The following SOX5 variants were observed in gnomAD, a reference collection of about 807,000 sequenced individuals.
The protein encoded by SOX5 is transcription factor SOX-5.
In SOX5, 9 loss-of-function variants were observed where a neutral mutation model predicts 92.0. The observed-to-expected ratio is 0.10, with a 90% CI of 0.06 to 0.17. The LOEUF is 0.17. Ranked by LOEUF, SOX5 falls within the 10% of genes least tolerant of loss-of-function variation. The pLI is 1.00. For missense variants in SOX5, 642 were observed against 944.5 expected (o/e 0.68, Z 4.20); for synonymous variants, 344 against 336.3 (o/e 1.02, Z -0.25).
At chr12:23,864,138 C>G (rs2096786590) in intron 2 of SOX5, among the ~76,000 whole-genome samples, 1 of 152,124 alleles carries the variant, frequency 6.6e-6, no homozygotes, top group Admixed American at 6.5e-5. Context: ...GTGATCTGTG[C>G]TCAGTAATCT....
At chr12:24,077,773 A>ATATG (rs2137548630) in intron 4 of SOX5, among the ~76,000 whole-genome samples, 1 of 3,732 alleles carries the variant, frequency 2.7e-4, no homozygotes, top group East Asian at 0.01. Context: ...AGGTATTTTC[A>ATATG]TATATATATA....
intron 5 of SOX5, among the ~76,000 whole-genome samples, chr12:23,737,339 G>C (rs1489624490): frequency 6.6e-6 from 1 of 151,912 alleles, no homozygotes; most frequent in African/African-American, 2.4e-5. Context: ...AGGAGTTCGA[G>C]ACCAGCCTGG....
At chr12:24,086,806 G>A (rs1944050167) in intron 4 of SOX5, among the ~76,000 whole-genome samples, 1 of 151,912 alleles carries the variant, frequency 6.6e-6, no homozygotes, top group Admixed American at 6.6e-5. Context: ...CTAAGGTTAG[G>A]AAGAATCTCC....
At chr12:24,413,089 T>C (rs990571878) in intron 1 of SOX5, among the ~76,000 whole-genome samples, 1 of 152,212 alleles carries the variant, frequency 6.6e-6, no homozygotes, top group Admixed American at 6.5e-5. Flanking sequence ...ACGTTGAGGT[T>C]CCTCTATATC....
At chr12:23,602,088 A>C (rs547017335) in intron 9 of SOX5, among the ~76,000 whole-genome samples, 1 of 152,296 alleles carries the variant, frequency 6.6e-6, no homozygotes, top group East Asian at 1.9e-4. Context: ...AAATTCATAA[A>C]GGCTCACTTT....
chr12:24,095,273 G>A (rs960779450), intron 4 of SOX5, among the ~76,000 whole-genome samples: 6 of 151,708 alleles, frequency 4.0e-5, no homozygotes, highest in Non-Finnish European at 8.8e-5. Flanking sequence ...AAATCCCCAG[G>A]TTTTATAATT....
At chr12:24,318,275 G>A (rs754221030) in intron 2 of SOX5, among the ~76,000 whole-genome samples, 1 of 152,190 alleles carries the variant, frequency 6.6e-6, no homozygotes, top group Non-Finnish European at 1.5e-5. Context: ...ATGCACCCAT[G>A]CAGTCAAGTT....
intron 3 of SOX5, among the ~76,000 whole-genome samples, chr12:23,800,052 A>G (rs1338062767): frequency 6.6e-6 from 1 of 152,064 alleles, no homozygotes; most frequent in East Asian, 1.9e-4. Flanking sequence ...TCTTAGAGTG[A>G]TATCTAAAAT....
At chr12:24,107,354 T>A (rs1946807753) in intron 4 of SOX5, among the ~76,000 whole-genome samples, 1 of 152,230 alleles carries the variant, frequency 6.6e-6, no homozygotes, top group South Asian at 2.1e-4. Flanking sequence ...ATTGAGTTGC[T>A]AACACTATTT....
intron 2 of SOX5, among the ~76,000 whole-genome samples, chr12:23,858,122 T>C (rs1221870842): frequency 6.6e-6 from 1 of 152,130 alleles, no homozygotes; most frequent in East Asian, 1.9e-4. Flanking sequence ...ATGTGCACTT[T>C]GTTGTTTTTT....
At chr12:23,888,739 T>G (rs2097097996) in intron 2 of SOX5, among the ~76,000 whole-genome samples, 1 of 152,182 alleles carries the variant, frequency 6.6e-6, no homozygotes, top group South Asian at 2.1e-4. Flanking sequence ...AACACAAGCC[T>G]GGGATTATAT....
rs369815561 is a variant in SOX5, at chr12:23,855,903, C to T, written c.271-9710G>A. On this transcript the variant is annotated intron_variant, in intron 2 of 14. Transcript: ENST00000451604. Reference sequence around the variant, plus strand: ...CACTAGTCTTCCCTTTAAAAAAGAGCTAAAGACCTATTTTTCTATACTAAT... The same window carrying T: ...CACTAGTCTTCCCTTTAAAAAAGAGTTAAAGACCTATTTTTCTATACTAAT... 9.9e-5 allele frequency among the ~76,000 whole-genome samples: 15 copies of T among 152,186 alleles called. No homozygotes were observed. In the East Asian group the frequency reaches 1.9e-3, roughly 20 times the overall value.
intron 6 of SOX5, among the ~76,000 whole-genome samples, chr12:23,676,739 C>T (rs900879056): frequency 1.3e-5 from 2 of 152,166 alleles, no homozygotes; most frequent in Admixed American, 1.3e-4. Context: ...TGAATTATGG[C>T]ACTTTTCTCT....
chr12:23,933,931 A>G (rs1245988450), intron 1 of SOX5, among the ~76,000 whole-genome samples: 1 of 151,574 alleles, frequency 6.6e-6, no homozygotes, highest in Non-Finnish European at 1.5e-5. Flanking sequence ...GAGATAGTTT[A>G]AAGGACTTGT....
At chr12:24,056,891 C>A (rs1326364675) in intron 4 of SOX5, among the ~76,000 whole-genome samples, 1 of 139,296 alleles carries the variant, frequency 7.2e-6, no homozygotes, top group African/African-American at 2.6e-5. Context: ...AGGAGAATGG[C>A]GTGAACCCGG....
intron 2 of SOX5, among the ~76,000 whole-genome samples, chr12:24,322,494 T>C (rs145453294): frequency 1.4e-3 from 217 of 152,310 alleles, no homozygotes; most frequent in African/African-American, 5.1e-3. Context: ...TATGTGTGTG[T>C]ATGCACACGT....
chr12:24,135,311 G>C (rs1356276616), intron 4 of SOX5, among the ~76,000 whole-genome samples: 1 of 152,070 alleles, frequency 6.6e-6, no homozygotes, highest in Non-Finnish European at 1.5e-5. Flanking sequence ...ACCCTCCTCT[G>C]AATCCTTCAG....
In SOX5 at chr12:23,532,500, A is replaced by C. The variant is rs1168442201; in HGVS notation, c.*1719T>G. On this transcript the variant is annotated 3_prime_UTR_variant, in exon 15 of 15. Transcript: ENST00000451604. ...TTGCATTTATTTGTACAGGCCCTAC[A>C]ACTGCCTTGGCATTTGGCTGGCAAA... The C allele has an allele frequency of 1.3e-5, 2 of 152,262 alleles. No individual in the cohort carries two copies. The highest frequency in any genetic ancestry group is 4.8e-5 in the African/African-American group (2 of 41,454). The allele number at this position is 152,262 out of a possible 1,614,324, so 9.4% of individuals were successfully genotyped here.
At chr12:23,543,600 C>T (rs1942538873) in intron 12 of SOX5, among the ~76,000 whole-genome samples, 3 of 152,178 alleles carry the variant, frequency 2.0e-5, no homozygotes, top group Admixed American at 2.0e-4. Flanking sequence ...AATTTCTAAT[C>T]TGTTTTCTCT....
Sources: allele counts gnomAD v4.1 joint callset (sites outside exome capture counted in the v4.1 genomes callset), GRCh38; gene constraint gnomAD v4.1.1; transcripts MANE v1.5; gene names NCBI Gene and HGNC (gene_info 2026-07-23, HGNC 2026-07-21).